The following STAU1 variants were observed in gnomAD, a reference collection of about 807,000 sequenced individuals.
STAU1 encodes staufen double-stranded RNA binding protein 1.
Under a neutral mutation model 62.9 loss-of-function variants are expected in STAU1, and 13 were observed. The ratio of observed to expected loss-of-function variants is 0.21; its 90% CI spans 0.13 to 0.33. The LOEUF is 0.33. Ranked by LOEUF, STAU1 falls within the 10% of genes least tolerant of loss-of-function variation. STAU1 has a pLI of 1.00. For synonymous variants in STAU1, 269 were observed against 265.1 expected (o/e 1.01, Z -0.14); for missense variants, 571 against 712.1 (o/e 0.80, Z 2.25).
At chr20:49,168,511 T>C (rs764057274) in intron 2 of STAU1, among the ~76,000 whole-genome samples, 3 of 152,054 alleles carry the variant, frequency 2.0e-5, no homozygotes, top group Admixed American at 6.6e-5. Context: ...GGTTGAAATA[T>C]GTAGTTCAAA....
Position 49,117,035 on chromosome 20 carries a change from C to T in STAU1, c.1632+91G>A. ...TCAAGGTCTATGGGACAATCTTTCT[C>T]CCATCTTCCTCAGGCTAGTAACAAG... On this transcript the variant is annotated intron_variant, in intron 12 of 13. Coordinates refer to ENST00000371856, the MANE Select transcript of STAU1 (RefSeq NM_017453.4). The surrounding 1 kb of genome is among the most constrained non-coding windows in gnomAD (Gnocchi z 4.6). 1.3e-6 allele frequency: 2 copies of T among 1,515,198 alleles called. No individual in the cohort carries two copies. Among genetic ancestry groups the T allele is most frequent in the South Asian group, 1.2e-5 (1 of 81,070 alleles). The allele number at this position is 1,515,198 out of a possible 1,614,324, so 93.9% of individuals were successfully genotyped here.
Position 49,113,443 on chromosome 20 carries a change from A to T in STAU1, c.*1435T>A. 6.6e-6 allele frequency: 1 copy of T among 152,650 alleles called. No individual in the cohort carries two copies. The highest frequency in any genetic ancestry group is 2.4e-5 in the African/African-American group (1 of 41,454). 9.5% of individuals were successfully genotyped at this position (152,650 alleles called of 1,614,324 possible). Reference sequence around the variant, plus strand: ...CAAGCATTACAAAGTTTTTTTCTTAAAAATAAAAAAAGGATAGGGGCAAGT... The same window carrying T: ...CAAGCATTACAAAGTTTTTTTCTTATAAATAAAAAAAGGATAGGGGCAAGT... On this transcript the variant is annotated 3_prime_UTR_variant, in exon 14 of 14. Coordinates refer to ENST00000371856, the MANE Select transcript of STAU1 (RefSeq NM_017453.4).
rs961335468 is a variant in STAU1 at position 49,114,193 on chromosome 20, A to C, written c.*685T>G. On this transcript the variant is annotated 3_prime_UTR_variant, in exon 14 of 14. Coordinates refer to ENST00000371856, the MANE Select transcript of STAU1 (RefSeq NM_017453.4). ...TTAGATTATTGATAAAGTCAGTCTCAGACAAGTTTCCAAACTGTGCTATTT... is the reference window on the plus strand; with the variant it reads ...TTAGATTATTGATAAAGTCAGTCTCCGACAAGTTTCCAAACTGTGCTATTT... 16 of 152,624 alleles carry C rather than the reference A, an allele frequency of 1.0e-4. No individual in the cohort carries two copies. Among genetic ancestry groups the C allele is most frequent in the African/African-American group, 3.9e-4 (16 of 41,478 alleles). The allele number at this position is 152,624 out of a possible 1,614,324, so 9.5% of individuals were successfully genotyped here.
the STAU1 span, among the ~76,000 whole-genome samples, chr20:49,216,007 C>CAAAAAAAAAAAA: frequency 1.9e-4 from 7 of 36,454 alleles, no homozygotes; most frequent in East Asian, 8.1e-4. Flanking sequence ...GACTATGTCT[C>CAAAAAAAAAAAA]AAAAAAAAAA....
At chr20:49,180,200 A>G (rs1289559792) in intron 1 of STAU1, among the ~76,000 whole-genome samples, 5 of 152,256 alleles carry the variant, frequency 3.3e-5, no homozygotes, top group African/African-American at 1.2e-4. Context: ...CAAAGAGGAC[A>G]ACCAGCACCT....
At chr20:49,214,190 C>T in the STAU1 span, among the ~76,000 whole-genome samples, 11 of 150,952 alleles carry the variant, frequency 7.3e-5, no homozygotes, top group Non-Finnish European at 1.0e-4. Context: ...CCAGCCTGGG[C>T]GACAGAGCTA....
chr20:49,150,486 C>T (rs1196665971), intron 5 of STAU1, among the ~76,000 whole-genome samples: 1 of 151,914 alleles, frequency 6.6e-6, no homozygotes, highest in South Asian at 2.1e-4. Flanking sequence ...CTCAGCCTCT[C>T]GAATAGCTGG....
intron 6 of STAU1, chr20:49,134,433 GGA>G: frequency 7.6e-6 from 2 of 262,456 alleles, no homozygotes; most frequent in South Asian, 3.3e-5. Flanking sequence ...CTCATCTCAG[GGA>G]AAAAAAAAAA....
intron 2 of STAU1, among the ~76,000 whole-genome samples, chr20:49,170,711 T>C (rs1375833591): frequency 2.0e-5 from 3 of 151,302 alleles, no homozygotes; most frequent in African/African-American, 7.3e-5. Flanking sequence ...TATAATGCAG[T>C]AGCTATACTT....
chr20:49,168,975 C>T (rs1476386332), intron 2 of STAU1, among the ~76,000 whole-genome samples: 1 of 147,756 alleles, frequency 6.8e-6, no homozygotes, highest in African/African-American at 2.5e-5. Context: ...TTTTTTGAGA[C>T]AGTCTCGCTC....
At chr20:49,183,452 T>C (rs1052610931) in intron 1 of STAU1, among the ~76,000 whole-genome samples, 4 of 152,170 alleles carry the variant, frequency 2.6e-5, no homozygotes, top group African/African-American at 7.2e-5. Context: ...GCTCAGGAGT[T>C]CAAGACCAGC....
chr20:49,139,864 A>G (rs1476416294), intron 5 of STAU1, among the ~76,000 whole-genome samples: 1 of 152,078 alleles, frequency 6.6e-6, no homozygotes, highest in East Asian at 1.9e-4. Flanking sequence ...AAATGGTTGT[A>G]CCAGATTTGG....
At chr20:49,215,732 C>A in the STAU1 span, among the ~76,000 whole-genome samples, 1 of 152,056 alleles carries the variant, frequency 6.6e-6, no homozygotes, top group Non-Finnish European at 1.5e-5. Context: ...CTTTGCCAGG[C>A]GCAGTGGCTG....
chr20:49,174,809 G>T (rs948875763), intron 1 of STAU1, among the ~76,000 whole-genome samples: 4 of 151,918 alleles, frequency 2.6e-5, no homozygotes, highest in African/African-American at 9.7e-5. Flanking sequence ...TGATGGCGGG[G>T]GCCTGTAGTC....
chr20:49,128,220 G>T (rs1211487331), intron 6 of STAU1, among the ~76,000 whole-genome samples: 1 of 151,956 alleles, frequency 6.6e-6, no homozygotes, highest in African/African-American at 2.4e-5. Flanking sequence ...CAGCTACTTG[G>T]GAGGCTGAGA....
At chr20:49,145,716 G>A (rs941394420) in intron 5 of STAU1, among the ~76,000 whole-genome samples, 9 of 151,556 alleles carry the variant, frequency 5.9e-5, no homozygotes, top group African/African-American at 1.9e-4. Context: ...GCAACAGAGC[G>A]AGACTCCGTC....
chr20:49,197,934 C>T, the STAU1 span, among the ~76,000 whole-genome samples: 1 of 152,124 alleles, frequency 6.6e-6, no homozygotes, highest in Non-Finnish European at 1.5e-5. Flanking sequence ...GTCTCTAACT[C>T]CTGGCCTCAA....
rs1215279977 is a variant in STAU1 at position 49,129,843 on chromosome 20, G to T, written c.610-5256C>A. Among the ~76,000 whole-genome samples the T allele has an allele frequency of 2.0e-5, 3 of 152,040 alleles. No individual in the cohort carries two copies. The East Asian group carries it at 5.8e-4, about 29-fold the overall frequency. On this transcript the variant is annotated intron_variant, in intron 6 of 13. Transcript: ENST00000371856. ...AGGTTTCACCATGTTGGCCAGGCTG[G>T]TCTCTAACTCCTGACCTCAAGTGAT...
intron 1 of STAU1, among the ~76,000 whole-genome samples, 175 bp downstream of exon 1, chr20:49,187,941 G>A (rs1600925569): frequency 6.6e-6 from 1 of 151,984 alleles, no homozygotes; most frequent in East Asian, 2.0e-4. Flanking sequence ...CGAGGCGAGG[G>A]AACGCAAGAG....
Sources: allele counts gnomAD v4.1 joint callset (sites outside exome capture counted in the v4.1 genomes callset), GRCh38; gene constraint gnomAD v4.1.1; non-coding constraint Gnocchi (gnomAD v3.1); transcripts MANE v1.5; gene names NCBI Gene and HGNC (gene_info 2026-07-23, HGNC 2026-07-21).